PCDHGA4: variants seen among roughly 807,000 people sequenced by gnomAD.
The protein encoded by PCDHGA4 is protocadherin gamma subfamily A, 4, also known as protocadherin gamma-A4.
PCDHGA4 carries 38 observed loss-of-function variants against 54.6 expected under a neutral mutation model. The ratio of observed to expected loss-of-function variants is 0.70; its 90% CI spans 0.54 to 0.91. The LOEUF (loss-of-function observed/expected upper bound fraction) is 0.91, where lower values mean the gene tolerates loss of function less well. Among genes scored for constraint, PCDHGA4 ranks in the 40% least tolerant of loss-of-function variants. PCDHGA4 has a pLI of 0.00. For missense variants in PCDHGA4, 1,298 were observed against 1,220.9 expected, an observed-to-expected ratio of 1.06 and a Z score of -0.94; for synonymous variants, 511 against 512.9, an observed-to-expected ratio of 1.00 and a Z score of 0.05.
At chr5:141,505,567 T>A in intron 3 of PCDHGA4, 86 bp downstream of exon 3, 2 of 1,599,440 alleles carry the variant, frequency 1.3e-6, no homozygotes, top group Non-Finnish European at 1.7e-6. Context: ...ACGGACTGGA[T>A]GTCAAACCTG....
Position 141,486,677 on chromosome 5 carries a change from G to A in PCDHGA4, c.2515-8130G>A, listed in dbSNP as rs755512470. ...ACTCCTGGAGCCCAGGAATCGAGATGTATCAGCTTCCTCTTTCATCTCTCT... is the reference window on the plus strand; with the variant it reads ...ACTCCTGGAGCCCAGGAATCGAGATATATCAGCTTCCTCTTTCATCTCTCT... On this transcript the variant is annotated intron_variant, in intron 1 of 3. Transcript: ENST00000571252. This position sits in a 1 kb window ranked among gnomAD's most constrained non-coding sequence, Gnocchi z 5.0. The A allele has an allele frequency of 3.7e-6, 6 of 1,614,060 alleles. No individual in the cohort carries two copies. Among genetic ancestry groups the A allele is most frequent in the Middle Eastern group, 1.6e-4 (1 of 6,062 alleles).
Position 141,489,680 on chromosome 5 carries a change from C to T in PCDHGA4, c.2515-5127C>T, listed in dbSNP as rs758765306. On this transcript the variant is annotated intron_variant, in intron 1 of 3. Coordinates refer to ENST00000571252, the MANE Select transcript of PCDHGA4 (RefSeq NM_018917.4). This position sits in a 1 kb window ranked among gnomAD's most constrained non-coding sequence, Gnocchi z 4.5. ...GAGATGCGCATCTCAGAATCAGCAG[C>T]ATCTGGGGCACGATTCCCACTGGAC... 2 of 1,614,070 alleles carry T rather than the reference C, an allele frequency of 1.2e-6. No individual in the cohort carries two copies. The highest frequency in any genetic ancestry group is 2.2e-5 in the East Asian group (1 of 44,886).
chr5:141,501,331 A>ACC (rs906542724), intron 2 of PCDHGA4, among the ~76,000 whole-genome samples: 1 of 138,846 alleles, frequency 7.2e-6, no homozygotes, highest in Non-Finnish European at 1.6e-5. Flanking sequence ...ACACACACAC[A>ACC]CACCCCAAAC....
chr5:141,408,973 T>G lies in PCDHGA4; in HGVS notation c.2514+51352T>G, dbSNP rs754120948. 4.3e-5 allele frequency: 70 copies of G among 1,613,718 alleles called. No homozygotes were observed. In the Admixed American group the frequency reaches 6.5e-4, roughly 15 times the overall value. ...TTAGTCTTAGTGAAAATCTGCCCCC[T>G]GGGTCCCCTGTGTTGCAAGTGACAG... On this transcript the variant is annotated intron_variant, in intron 1 of 3. Transcript: ENST00000571252.
intron 1 of PCDHGA4, chr5:141,392,685 A>C: frequency 8.3e-6 from 9 of 1,078,992 alleles, no homozygotes; most frequent in Non-Finnish European, 1.2e-5. Context: ...ACTGCAGCGA[A>C]ACCCGACCCC....
intron 1 of PCDHGA4, chr5:141,372,770 C>A (rs776185691): frequency 6.2e-7 from 1 of 1,611,252 alleles, no homozygotes; most frequent in Non-Finnish European, 8.5e-7. Context: ...AAAGTAATGA[C>A]AATCCAGAAA....
At chr5:141,401,861 G>T (rs934405271) in intron 1 of PCDHGA4, among the ~76,000 whole-genome samples, 1 of 152,122 alleles carries the variant, frequency 6.6e-6, no homozygotes, top group African/African-American at 2.4e-5. Flanking sequence ...TAACCTTTCA[G>T]TAGTTTTCTT....
At chr5:141,360,889 A>C (rs1761788263) in intron 1 of PCDHGA4, 1 of 1,614,032 alleles carries the variant, frequency 6.2e-7, no homozygotes, top group Non-Finnish European at 8.5e-7. Context: ...GGTCACCCTG[A>C]GGGAGGACGT....
At chr5:141,421,875 A>C (rs1345376105) in intron 1 of PCDHGA4, 2 of 1,613,648 alleles carry the variant, frequency 1.2e-6, no homozygotes, top group South Asian at 2.2e-5. Flanking sequence ...TCACAGCTTT[A>C]GATGGAGGCG....
intron 1 of PCDHGA4, among the ~76,000 whole-genome samples, chr5:141,402,766 A>T (rs1321674206): frequency 6.6e-6 from 1 of 152,232 alleles, no homozygotes; most frequent in African/African-American, 2.4e-5. Context: ...TCAGGACTCC[A>T]TCCGGATTTC....
chr5:141,394,174 A>T, intron 1 of PCDHGA4: 1 of 1,613,824 alleles, frequency 6.2e-7, no homozygotes, highest in Non-Finnish European at 8.5e-7. Flanking sequence ...ACTTTCCCTC[A>T]TGCCTCCTAC....
At chr5:141,422,415 A>C (rs1330043187) in intron 1 of PCDHGA4, 1 of 1,604,786 alleles carries the variant, frequency 6.2e-7, no homozygotes, top group Admixed American at 1.7e-5. Flanking sequence ...TTAAATTAGA[A>C]AAGACTTATG....
intron 1 of PCDHGA4, chr5:141,365,787 G>A (rs1764122554): frequency 1.2e-6 from 2 of 1,613,864 alleles, no homozygotes; most frequent in Middle Eastern, 1.6e-4. Context: ...GACAACGCTC[G>A]AGTCACCTAC....
chr5:141,475,167 G>T (rs529813171), intron 1 of PCDHGA4, among the ~76,000 whole-genome samples: 1 of 152,160 alleles, frequency 6.6e-6, no homozygotes, highest in Admixed American at 6.5e-5. Flanking sequence ...CATTAGCAGT[G>T]CAACTTCTTG....
At chr5:141,507,183 C>T (rs2099859036) in intron 3 of PCDHGA4, 1 of 152,428 alleles carries the variant, frequency 6.6e-6, no homozygotes, top group Non-Finnish European at 1.5e-5. Flanking sequence ...TCCTCGAGCT[C>T]TGCTTTATTC....
chr5:141,399,813 G>T (rs985564503), intron 1 of PCDHGA4: 1 of 1,613,080 alleles, frequency 6.2e-7, no homozygotes, highest in Admixed American at 1.7e-5. Flanking sequence ...TGTACCCCGC[G>T]CTGGGTCCCG....
rs200064261 is a variant in PCDHGA4, at chr5:141,487,515, G to A, written c.2515-7292G>A. 3.7e-5 allele frequency: 59 copies of A among 1,614,018 alleles called. No homozygotes were observed. The highest frequency in any genetic ancestry group is 8.8e-5 in the South Asian group (8 of 91,086). On this transcript the variant is annotated intron_variant, in intron 1 of 3. Coordinates refer to ENST00000571252, the MANE Select transcript of PCDHGA4 (RefSeq NM_018917.4). The surrounding 1 kb of genome is among the most constrained non-coding windows in gnomAD (Gnocchi z 5.0). Reference sequence around the variant, plus strand: ...ACACCCTTGGCTTCTGCACCCACTCGGAGTGATAGCTTCATGATGGTGAAG... The same window carrying A: ...ACACCCTTGGCTTCTGCACCCACTCAGAGTGATAGCTTCATGATGGTGAAG...
chr5:141,427,046 C>A (rs916723344), intron 1 of PCDHGA4: 6 of 457,244 alleles, frequency 1.3e-5, no homozygotes, highest in African/African-American at 2.0e-5. Flanking sequence ...AGAATGTGCC[C>A]CCAGGCACCT....
intron 1 of PCDHGA4, chr5:141,383,159 C>G (rs769758778): frequency 2.6e-5 from 42 of 1,613,986 alleles, no homozygotes; most frequent in Non-Finnish European, 3.5e-5. Flanking sequence ...TTGGTCACTG[C>G]GGGCAGGATA....
Sources: gnomAD v4.1 joint callset for allele counts (sites outside exome capture counted in the v4.1 genomes callset) on GRCh38, gnomAD v4.1.1 for gene constraint, Gnocchi (gnomAD v3.1) non-coding constraint, MANE v1.5 for transcripts, NCBI Gene and HGNC (gene_info 2026-07-23, HGNC 2026-07-21) for gene names.